TEX9: variants seen among roughly 807,000 people sequenced by gnomAD.
TEX9 encodes testis-expressed protein 9.
TEX9 carries 74 observed loss-of-function variants against 59.6 expected under a neutral mutation model. That is an observed-to-expected ratio of 1.24 (90% CI 1.03 to 1.51). The LOEUF (loss-of-function observed/expected upper bound fraction) is 1.51. Ranked by LOEUF, TEX9 falls within the 40% of genes most tolerant of loss-of-function variation. The probability of loss-of-function intolerance (pLI) is 0.00; values close to 1 mark genes in which losing one functional copy is unlikely to be tolerated. For synonymous variants in TEX9, 186 were observed against 152.2 expected, an observed-to-expected ratio of 1.22 and a Z score of -1.64; for missense variants, 522 against 447.8, an observed-to-expected ratio of 1.17 and a Z score of -1.49.
intron 8 of TEX9, 104 bp downstream of exon 8, chr15:56,394,351 T>G (rs2048354946): frequency 3.8e-6 from 4 of 1,046,504 alleles, no homozygotes; most frequent in Non-Finnish European, 5.4e-6. Context: ...AAATCATAGT[T>G]AAATTTTGAA....
chr15:56,451,398 C>T, the TEX9 span, among the ~76,000 whole-genome samples: 1 of 152,152 alleles, frequency 6.6e-6, no homozygotes, highest in Admixed American at 6.5e-5. Context: ...TAGGCTTTTT[C>T]TTGTTTCAGC....
chr15:56,368,941 G>A (rs1003387714), intron 2 of TEX9, among the ~76,000 whole-genome samples: 2 of 151,494 alleles, frequency 1.3e-5, no homozygotes, highest in Admixed American at 6.6e-5. Context: ...TTCTAACTGG[G>A]GTGGATTAAT....
At chr15:56,252,940 C>T (rs2044059971) in intron 1 of TEX9, among the ~76,000 whole-genome samples, 1 of 152,042 alleles carries the variant, frequency 6.6e-6, no homozygotes, top group South Asian at 2.1e-4. Context: ...ATGCTTTACA[C>T]ATAGTAAAAG....
chr15:56,367,361 A>G (rs35581725), intron 2 of TEX9, among the ~76,000 whole-genome samples: 3,774 of 152,344 alleles, frequency 0.025, 84 homozygotes, highest in Admixed American at 0.041. Flanking sequence ...TGAAATTATA[A>G]CAGTATGGTA....
At chr15:56,290,475 G>A (rs2045063247) in intron 1 of TEX9, among the ~76,000 whole-genome samples, 1 of 151,976 alleles carries the variant, frequency 6.6e-6, no homozygotes, top group African/African-American at 2.4e-5. Context: ...TTCAATACAG[G>A]TCTTGCTCTG....
chr15:56,450,301 T>C (rs1270194376), downstream of TEX9, among the ~76,000 whole-genome samples: 1 of 151,614 alleles, frequency 6.6e-6, no homozygotes, highest in African/African-American at 2.4e-5. Context: ...CATTTTTAAA[T>C]GTACAACTCA....
rs2045481083 is a variant in TEX9, at chr15:56,306,257, C to CCAAA, written c.-107+61979_-107+61980insCAAA. ...CACTGCTAGGCTGATAGGTACATAG[C>CCAAA]AAAAAAAAAAAAAAAAAAAAAGGAA... On this transcript the variant is annotated intron_variant, in intron 1 of 5. Coordinates refer to the TEX9 transcript ENST00000560827. 2.5e-5 allele frequency among the ~76,000 whole-genome samples: 2 copies of CCAAA among 79,450 alleles called. 1 individual carries two copies. The highest frequency in any genetic ancestry group is 1.0e-4 in the African/African-American group (2 of 19,828). The allele number at this position is 79,450 out of a possible 152,430, so 52.1% of individuals were successfully genotyped here.
At chr15:56,347,572 A>G (rs1284326668) in intron 1 of TEX9, among the ~76,000 whole-genome samples, 1 of 152,084 alleles carries the variant, frequency 6.6e-6, no homozygotes, top group East Asian at 1.9e-4. Context: ...ACAAAACAAA[A>G]CAAAAACTTT....
At chr15:56,358,596 T>C (rs1286123967) in intron 1 of TEX9, among the ~76,000 whole-genome samples, 3 of 152,198 alleles carry the variant, frequency 2.0e-5, no homozygotes, top group Non-Finnish European at 4.4e-5. Context: ...CCATTACTGA[T>C]ACATTAACTG....
chr15:56,350,747 T>G (rs1332866019), intron 1 of TEX9, among the ~76,000 whole-genome samples: 3 of 152,204 alleles, frequency 2.0e-5, no homozygotes, highest in Non-Finnish European at 4.4e-5. Context: ...CTTTAAAAAG[T>G]CCCTGACTAA....
chr15:56,423,849 G>A (rs1044852510), intron 10 of TEX9, among the ~76,000 whole-genome samples: 2 of 152,130 alleles, frequency 1.3e-5, no homozygotes, highest in Non-Finnish European at 1.5e-5. Context: ...GGTGATTTCT[G>A]AGATTTTGGT....
At chr15:56,289,264 T>A (rs547340975) in intron 1 of TEX9, among the ~76,000 whole-genome samples, 2 of 152,356 alleles carry the variant, frequency 1.3e-5, no homozygotes, top group Non-Finnish European at 2.9e-5. Flanking sequence ...GATTGTTGTG[T>A]GCTTTTGGTG....
At chr15:56,255,044 A>C (rs372637660) in intron 1 of TEX9, among the ~76,000 whole-genome samples, 1 of 152,068 alleles carries the variant, frequency 6.6e-6, no homozygotes, top group East Asian at 1.9e-4. Flanking sequence ...GATTTGTCTA[A>C]ATATGACATA....
intron 6 of TEX9, among the ~76,000 whole-genome samples, chr15:56,390,967 G>T (rs1378641812): frequency 6.6e-6 from 1 of 151,976 alleles, no homozygotes; most frequent in Non-Finnish European, 1.5e-5. Flanking sequence ...TAGCTCTGTG[G>T]TCACATGATT....
intron 1 of TEX9, among the ~76,000 whole-genome samples, chr15:56,292,087 G>T (rs1325084971): frequency 1.3e-5 from 2 of 152,228 alleles, no homozygotes; most frequent in African/African-American, 4.8e-5. Context: ...TCAAAGTGAT[G>T]ATTATTATAT....
intron 1 of TEX9, among the ~76,000 whole-genome samples, chr15:56,271,491 G>C (rs903580185): frequency 6.6e-6 from 1 of 152,014 alleles, no homozygotes. Flanking sequence ...TCAAGATGGG[G>C]TTTCATCATG....
chr15:56,260,037 T>A (rs944025929), intron 1 of TEX9, among the ~76,000 whole-genome samples: 3 of 152,154 alleles, frequency 2.0e-5, no homozygotes, highest in African/African-American at 7.2e-5. Context: ...TAAAATTTTT[T>A]ATTTACCAAT....
chr15:56,415,666 C>G (rs914636779), intron 10 of TEX9, among the ~76,000 whole-genome samples: 1 of 151,834 alleles, frequency 6.6e-6, no homozygotes, highest in Non-Finnish European at 1.5e-5. Flanking sequence ...AGTTTGAAGT[C>G]ACACAGTGTG....
At chr15:56,402,272 CA>C (rs2048831544) in intron 9 of TEX9, among the ~76,000 whole-genome samples, 1 of 152,026 alleles carries the variant, frequency 6.6e-6, no homozygotes, top group African/African-American at 2.4e-5. Flanking sequence ...AGAGAAGAAT[CA>C]AATAGACGCA....
Sources: gnomAD v4.1 joint callset for allele counts (sites outside exome capture counted in the v4.1 genomes callset) on GRCh38, gnomAD v4.1.1 for gene constraint, MANE v1.5 for transcripts, NCBI Gene and HGNC (gene_info 2026-07-23, HGNC 2026-07-21) for gene names.